The following CHMP4B variants were observed in gnomAD, a reference collection of about 807,000 sequenced individuals.
CHMP4B encodes charged multivesicular body protein 4B, also known as SNF7 homolog associated with Alix 1.
In CHMP4B, 1 loss-of-function variant was observed where a neutral mutation model predicts 25.1. That is an observed-to-expected ratio of 0.04 (90% CI 0.01 to 0.19). The LOEUF (loss-of-function observed/expected upper bound fraction) is 0.19. CHMP4B is among the 10% of genes least tolerant of loss of function. The pLI is 1.00. For synonymous variants in CHMP4B, 101 were observed against 115.6 expected (o/e 0.87, Z 0.81); for missense variants, 151 against 289.7 (o/e 0.52, Z 3.48).
chr20:33,844,832 C>T (rs1979637623), intron 1 of CHMP4B, among the ~76,000 whole-genome samples: 1 of 149,924 alleles, frequency 6.7e-6, no homozygotes, highest in Admixed American at 6.7e-5. Context: ...GATCTCGGTT[C>T]TCTACAAGCT....
rs766901041 is a variant in CHMP4B, at chr20:33,851,044, G to A, written c.461G>A (p.Gly154Glu). The change falls in exon 3 of 5, where the codon GGG becomes GAG. Residue 154 changes from glycine (G) to glutamate (E), a missense_variant. Transcript: ENST00000217402. ...EISTAISKPV[G>E]FGEEFDEDEL... Reference sequence around the variant, plus strand: ...TCAACAGCAATTTCGAAACCTGTAGGGTTTGGAGAAGAGTTTGACGAGGTG... The same window carrying A: ...TCAACAGCAATTTCGAAACCTGTAGAGTTTGGAGAAGAGTTTGACGAGGTG... The A allele has an allele frequency of 6.2e-7, 1 of 1,612,484 alleles. No individual in the cohort carries two copies. Among genetic ancestry groups the A allele is most frequent in the Non-Finnish European group, 8.5e-7 (1 of 1,178,494 alleles).
chr20:33,816,000 G>A (rs539045399), intron 1 of CHMP4B, among the ~76,000 whole-genome samples: 1 of 152,272 alleles, frequency 6.6e-6, no homozygotes, highest in East Asian at 1.9e-4. Flanking sequence ...CTATCTTTGA[G>A]GCATACACAT....
chr20:33,828,200 C>T (rs1979145136), intron 1 of CHMP4B, among the ~76,000 whole-genome samples: 1 of 152,192 alleles, frequency 6.6e-6, no homozygotes, highest in South Asian at 2.1e-4. Context: ...CAAACTTTAG[C>T]ACACATCTTG....
At chr20:33,830,117 G>A (rs1430455162) in intron 1 of CHMP4B, among the ~76,000 whole-genome samples, 1 of 152,212 alleles carries the variant, frequency 6.6e-6, no homozygotes, top group African/African-American at 2.4e-5. Context: ...CTGGTGGAGT[G>A]CTCAGCAGGA....
intron 3 of CHMP4B, 22 bp downstream of exon 3, chr20:33,851,088 C>G: frequency 7.1e-7 from 1 of 1,409,222 alleles, no homozygotes; most frequent in Non-Finnish European, 1.0e-6. Context: ...TGTACAGATC[C>G]CATAAGCTTC....
rs1268084537 is a variant in CHMP4B, at chr20:33,811,544, A to G, written c.76A>G (p.Ile26Val). The change falls in exon 1 of 5, where the codon ATC (isoleucine) becomes GTC (valine). Residue 26 changes from isoleucine to valine, a missense_variant. Ile to Val is a conservative substitution (Grantham distance 29). Transcript: ENST00000217402. ...GKGGPTPQEA[I>V]QRLRDTEEML... ...GGGCGGCCCGACCCCCCAGGAGGCC[A>G]TCCAGCGGCTGCGGGACACGGAAGA... 5 of 1,611,918 alleles carry G rather than the reference A, an allele frequency of 3.1e-6. No homozygotes were observed. Among genetic ancestry groups the G allele is most frequent in the South Asian group, 1.1e-5 (1 of 90,748 alleles).
intron 1 of CHMP4B, among the ~76,000 whole-genome samples, chr20:33,847,284 C>G (rs1979712324): frequency 6.9e-6 from 1 of 144,718 alleles, no homozygotes; most frequent in Admixed American, 7.2e-5. Context: ...CTTAGATGTA[C>G]TGTTTTTTTT....
intron 1 of CHMP4B, among the ~76,000 whole-genome samples, chr20:33,837,107 G>A (rs1286018300): frequency 1.3e-5 from 2 of 152,164 alleles, no homozygotes; most frequent in Admixed American, 1.3e-4. Flanking sequence ...GCTCAGAACA[G>A]GTGTTAGTTC....
chr20:33,838,138 C>T (rs1389121888), intron 1 of CHMP4B, among the ~76,000 whole-genome samples: 1 of 152,226 alleles, frequency 6.6e-6, no homozygotes, highest in Non-Finnish European at 1.5e-5. Context: ...GGCTTGGATT[C>T]CTCCTTGTCA....
In CHMP4B at chr20:33,848,443, A is replaced by C. The variant is rs1189500821; in HGVS notation, c.191-24A>C. ...CTCACCCTGTGCCGGGACTCTCTGA[A>C]ACCCTGTTTTCTCCCTCACGCAGCG... On this transcript the variant is annotated intron_variant, in intron 1 of 4. Transcript: ENST00000217402. 3 of 1,613,340 alleles carry C rather than the reference A, an allele frequency of 1.9e-6. No individual in the cohort carries two copies. The African/African-American group carries it at 4.0e-5, about 22-fold the overall frequency.
In CHMP4B at chr20:33,811,518, A is replaced by C; in HGVS notation, c.50A>C (p.Lys17Thr). ...GGGGCTGGAGGGGGTAAGGCCGGCA[A>C]GGGCGGCCCGACCCCCCAGGAGGCC... The part of the protein sequence containing the change: ...LFGAGGGKAG[K>T]GGPTPQEAIQ... The change falls in exon 1 of 5, where the codon AAG (lysine) becomes ACG (threonine). Residue 17 changes from lysine (K) to threonine (T), a missense_variant. Transcript: ENST00000217402. The C allele has an allele frequency of 6.2e-7, 1 of 1,605,232 alleles. No homozygotes were observed. Among genetic ancestry groups the C allele is most frequent in the Non-Finnish European group, 8.5e-7 (1 of 1,175,972 alleles).
intron 1 of CHMP4B, among the ~76,000 whole-genome samples, chr20:33,831,707 T>C (rs1252346237): frequency 6.6e-6 from 1 of 152,038 alleles, no homozygotes; most frequent in African/African-American, 2.4e-5. Context: ...TTTCAGTGTC[T>C]GGTAATTCTG....
At chr20:33,851,632 C>A (rs1568612425) in intron 3 of CHMP4B, among the ~76,000 whole-genome samples, 1 of 152,164 alleles carries the variant, frequency 6.6e-6, no homozygotes, top group Non-Finnish European at 1.5e-5. Context: ...GACCTTTGTG[C>A]TTTCTGACCC....
intron 1 of CHMP4B, among the ~76,000 whole-genome samples, chr20:33,824,363 A>G (rs899566483): frequency 6.6e-6 from 1 of 152,136 alleles, no homozygotes; most frequent in African/African-American, 2.4e-5. Context: ...TGCATTTCAG[A>G]TTCCCCCCAG....
intron 2 of CHMP4B, 22 bp from the exon 3 acceptor site, chr20:33,850,930 T>C (rs376307592): frequency 6.5e-7 from 1 of 1,537,532 alleles, no homozygotes; most frequent in Non-Finnish European, 9.0e-7. Context: ...ATTGATATGA[T>C]ACCTGTCCAT....
chr20:33,849,337 G>A lies in CHMP4B; in HGVS notation c.368+693G>A, dbSNP rs1160094336. The stretch of plus-strand genomic sequence containing the variant: ...ATTTGGGCTGGGTGAGGTGGCTCAC[G>A]CCTATAATTCCAGCACTTTGGGAGG... On this transcript the variant is annotated intron_variant, in intron 2 of 4. Transcript: ENST00000217402. 5.9e-5 allele frequency among the ~76,000 whole-genome samples: 9 copies of A among 152,288 alleles called. No individual in the cohort carries two copies. The East Asian group carries it at 9.7e-4, about 16-fold the overall frequency.
chr20:33,826,889 G>C (rs978086871), intron 1 of CHMP4B, among the ~76,000 whole-genome samples: 1 of 152,182 alleles, frequency 6.6e-6, no homozygotes, highest in Non-Finnish European at 1.5e-5. Context: ...CAGCTGGCTA[G>C]CTGGCTAACT....
At chr20:33,828,945 A>G (rs68147752) in intron 1 of CHMP4B, among the ~76,000 whole-genome samples, 15,905 of 151,996 alleles carry the variant, frequency 0.1, 882 homozygotes, top group East Asian at 0.21. Context: ...GAAGAGAACA[A>G]TATTTGTTTA....
intron 1 of CHMP4B, among the ~76,000 whole-genome samples, chr20:33,830,934 T>G (rs551123869): frequency 1.3e-5 from 1 of 77,266 alleles, no homozygotes; most frequent in Non-Finnish European, 2.7e-5. Context: ...AGGAACAGAG[T>G]TTTTTTTTTT....
Sources: gnomAD v4.1 joint callset for allele counts (sites outside exome capture counted in the v4.1 genomes callset) on GRCh38, gnomAD v4.1.1 for gene constraint, MANE v1.5 for transcripts, NCBI Gene and HGNC (gene_info 2026-07-23, HGNC 2026-07-21) for gene names.